Variants in KPNA7 observed in about 807,000 individuals in gnomAD.
KPNA7 encodes karyopherin subunit alpha 7.
In KPNA7, 54 loss-of-function variants were observed where a neutral mutation model predicts 53.7. The ratio of observed to expected loss-of-function variants is 1.01; its 90% CI spans 0.81 to 1.26. The LOEUF (loss-of-function observed/expected upper bound fraction) is 1.26. Among genes scored for constraint, KPNA7 ranks in the 50% most tolerant of loss-of-function variants. KPNA7 has a pLI of 0.00. For synonymous variants in KPNA7, 276 were observed against 259.3 expected, an observed-to-expected ratio of 1.06 and a Z score of -0.62; for missense variants, 640 against 644.5, an observed-to-expected ratio of 0.99 and a Z score of 0.07.
At chr7:99,171,666 C>T (rs995611912), downstream of KPNA7, among the ~76,000 whole-genome samples, 19 of 151,948 alleles carry the variant, frequency 1.3e-4, no homozygotes, top group Non-Finnish European at 2.1e-4. Flanking sequence ...GAGGCTGAGG[C>T]GGGAGGATTG....
intron 10 of KPNA7, 151 bp downstream of exon 10, chr7:99,177,769 G>C: frequency 1.4e-6 from 1 of 698,394 alleles, no homozygotes; most frequent in Non-Finnish European, 2.3e-6. Flanking sequence ...GGATAGGCGA[G>C]ACACATTAAC....
upstream of KPNA7, among the ~76,000 whole-genome samples, chr7:99,208,751 A>T (rs1448924969): frequency 6.6e-6 from 1 of 152,216 alleles, no homozygotes; most frequent in Non-Finnish European, 1.5e-5. Flanking sequence ...ACACTGTGGG[A>T]GCACCAAGAC....
chr7:99,175,724 G>T (rs1196665292), intron 10 of KPNA7, among the ~76,000 whole-genome samples: 1 of 151,650 alleles, frequency 6.6e-6, no homozygotes, highest in African/African-American at 2.4e-5. Context: ...ATGTTGGCCA[G>T]GCTGGTCTTG....
chr7:99,153,337 C>A, the KPNA7 span, among the ~76,000 whole-genome samples: 1 of 151,500 alleles, frequency 6.6e-6, no homozygotes, highest in East Asian at 2.0e-4. Context: ...GCGGACAGAT[C>A]ACCTGAGATC....
rs1790221401 is a variant in KPNA7 at position 99,196,144 on chromosome 7, A to G, written c.224T>C (p.Ile75Thr). Residue 75 changes from isoleucine to threonine, a missense_variant, in exon 4 of 11, where the codon ATA (isoleucine) becomes ACA (threonine). Ile to Thr is a moderately conservative substitution (Grantham distance 89). Coordinates refer to ENST00000327442, the MANE Select transcript of KPNA7 (RefSeq NM_001145715.3). Reference protein sequence around the residue: ...GVAVSLTLGEIIKGVNSSDPV... With the variant: ...GVAVSLTLGETIKGVNSSDPV... ...ATCTGAGCTATTCACACCTTTGATT[A>G]TTTCACCCAGAGTGAGGCTGACCTG... The G allele has an allele frequency of 6.4e-7, 1 of 1,551,606 alleles. No homozygotes were observed. The highest frequency in any genetic ancestry group is 8.7e-7 in the Non-Finnish European group (1 of 1,146,980).
At chr7:99,147,796 A>G in the KPNA7 span, among the ~76,000 whole-genome samples, 1 of 41,472 alleles carries the variant, frequency 2.4e-5, no homozygotes, top group African/African-American at 8.6e-5. Context: ...TATCTCAAAA[A>G]AAAAAATTTT....
the KPNA7 span, among the ~76,000 whole-genome samples, chr7:99,157,090 G>A: frequency 0.012 from 1,836 of 152,062 alleles, 51 homozygotes; most frequent in African/African-American, 0.043. Flanking sequence ...TTGTTTTATG[G>A]CCACAGAATC....
At chr7:99,196,022 G>T in intron 4 of KPNA7, 62 bp downstream of exon 4, 2 of 1,362,384 alleles carry the variant, frequency 1.5e-6, no homozygotes, top group South Asian at 2.5e-5. Context: ...CGGCGCTCCA[G>T]CCATCACTGA....
chr7:99,160,017 GTTT>G, the KPNA7 span, among the ~76,000 whole-genome samples: 5 of 67,640 alleles, frequency 7.4e-5, no homozygotes, highest in African/African-American at 1.2e-4. Context: ...TGTTGTTTTT[GTTT>G]TTTTTTTTTT....
intron 1 of KPNA7, among the ~76,000 whole-genome samples, chr7:99,215,286 C>T (rs564991626): frequency 7.1e-6 from 1 of 141,820 alleles, no homozygotes; most frequent in East Asian, 2.3e-4. Context: ...GCACTGGAAT[C>T]GCTTGAACCC....
intron 6 of KPNA7, among the ~76,000 whole-genome samples, chr7:99,191,243 C>T (rs1034299530): frequency 2.0e-5 from 3 of 151,618 alleles, no homozygotes; most frequent in Admixed American, 6.6e-5. Flanking sequence ...CTGCAACCTC[C>T]ACCTCCCAGG....
chr7:99,193,356 G>T (rs528158826), intron 5 of KPNA7, among the ~76,000 whole-genome samples: 1 of 152,340 alleles, frequency 6.6e-6, no homozygotes, highest in African/African-American at 2.4e-5. Context: ...AAGGTGGGCT[G>T]TTGGCATCTC....
the KPNA7 span, among the ~76,000 whole-genome samples, chr7:99,159,539 C>G: frequency 7.2e-5 from 11 of 152,022 alleles, no homozygotes; most frequent in Non-Finnish European, 1.5e-4. Flanking sequence ...ATCACCAGCC[C>G]TGGTAACCAT....
chr7:99,168,888 C>A (rs1798722079), downstream of KPNA7, among the ~76,000 whole-genome samples: 1 of 152,278 alleles, frequency 6.6e-6, no homozygotes, highest in South Asian at 2.1e-4. Context: ...TCCTTCCAAT[C>A]CTGAACTCTC....
At chr7:99,210,798 G>T (rs1292588242), upstream of KPNA7, among the ~76,000 whole-genome samples, 1 of 151,840 alleles carries the variant, frequency 6.6e-6, no homozygotes, top group East Asian at 1.9e-4. Flanking sequence ...TGTTGCCCAG[G>T]CTGGTTTCAA....
At chr7:99,166,265 A>G in the KPNA7 span, among the ~76,000 whole-genome samples, 4 of 151,992 alleles carry the variant, frequency 2.6e-5, no homozygotes, top group Non-Finnish European at 4.4e-5. Context: ...CCCTCTTTCA[A>G]CATCTCCTAT....
chr7:99,184,843 G>A, intron 8 of KPNA7, 86 bp downstream of exon 8: 1 of 1,121,252 alleles, frequency 8.9e-7, no homozygotes. Context: ...ATTTGCTTCT[G>A]CACCTGTGTC....
At chr7:99,200,023 C>G (rs940722843) in intron 3 of KPNA7, among the ~76,000 whole-genome samples, 1 of 152,132 alleles carries the variant, frequency 6.6e-6, no homozygotes, top group Admixed American at 6.5e-5. Flanking sequence ...CTGCTTCAGC[C>G]TTCCTAATAG....
At chr7:99,153,797 C>T in the KPNA7 span, among the ~76,000 whole-genome samples, 1 of 151,750 alleles carries the variant, frequency 6.6e-6, no homozygotes. Context: ...AGCAAGACCT[C>T]ATCTCTACAA....
Sources: gnomAD v4.1 joint callset for allele counts (sites outside exome capture counted in the v4.1 genomes callset) on GRCh38, gnomAD v4.1.1 for gene constraint, MANE v1.5 for transcripts, NCBI Gene and HGNC (gene_info 2026-07-23, HGNC 2026-07-21) for gene names.